Variants in FER observed in about 807,000 individuals in gnomAD.
FER encodes FER tyrosine kinase, also known as tyrosine-protein kinase Fer.
FER carries 63 observed loss-of-function variants against 111.0 expected under a neutral mutation model. That is an observed-to-expected ratio of 0.57 (90% CI 0.46 to 0.70). FER has a LOEUF of 0.70. Ranked by LOEUF, FER falls within the 30% of genes least tolerant of loss-of-function variation. The pLI is 0.00. For missense variants in FER, 914 were observed against 954.0 expected, an observed-to-expected ratio of 0.96 and a Z score of 0.55; for synonymous variants, 327 against 313.9, an observed-to-expected ratio of 1.04 and a Z score of -0.44.
intron 17 of FER, among the ~76,000 whole-genome samples, chr5:109,123,142 C>T (rs1341290395): frequency 6.7e-6 from 1 of 148,370 alleles, no homozygotes; most frequent in Admixed American, 6.8e-5. Flanking sequence ...CTCTTATTTC[C>T]TTCCTTCCTG....
At chr5:108,787,403 T>C (rs191343687) in intron 2 of FER, among the ~76,000 whole-genome samples, 4 of 152,110 alleles carry the variant, frequency 2.6e-5, no homozygotes, top group African/African-American at 9.7e-5. Context: ...GTGGATGGCA[T>C]GTTAAAGGCA....
intron 17 of FER, among the ~76,000 whole-genome samples, chr5:109,146,248 T>TA (rs1754131196): frequency 1.5e-5 from 1 of 67,980 alleles, no homozygotes; most frequent in East Asian, 2.8e-4. Flanking sequence ...ATATATAATC[T>TA]ATCTAATATA....
At chr5:108,790,298 A>T (rs867044497) in intron 2 of FER, among the ~76,000 whole-genome samples, 1 of 148,502 alleles carries the variant, frequency 6.7e-6, no homozygotes, top group Admixed American at 6.7e-5. Flanking sequence ...TACATATGTG[A>T]TTTTTTTTCT....
At chr5:109,101,110 AATG>A (rs1444399173) in intron 17 of FER, among the ~76,000 whole-genome samples, 34 of 152,052 alleles carry the variant, frequency 2.2e-4, no homozygotes, top group South Asian at 8.3e-4. Context: ...ACCTGGTCTT[AATG>A]CTTTATACAT....
At chr5:109,182,226 C>T (rs1758361415) in intron 18 of FER, among the ~76,000 whole-genome samples, 1 of 152,146 alleles carries the variant, frequency 6.6e-6, no homozygotes, top group Non-Finnish European at 1.5e-5. Context: ...TTTTGAGGAA[C>T]CACCAAATGT....
At chr5:109,030,666 T>C (rs1202863314) in intron 13 of FER, among the ~76,000 whole-genome samples, 3 of 152,120 alleles carry the variant, frequency 2.0e-5, no homozygotes, top group Admixed American at 6.6e-5. Context: ...AGGAAGGGCA[T>C]CTTAGGCCTA....
chr5:109,108,799 C>A (rs1046267731), intron 17 of FER, among the ~76,000 whole-genome samples: 8 of 152,188 alleles, frequency 5.3e-5, no homozygotes, highest in African/African-American at 1.9e-4. Context: ...GTTTGACCTT[C>A]TGGCTTGCAA....
intron 17 of FER, among the ~76,000 whole-genome samples, chr5:109,104,841 C>G (rs932733661): frequency 2.0e-5 from 3 of 151,922 alleles, no homozygotes; most frequent in African/African-American, 7.3e-5. Flanking sequence ...CTCCCAGGTT[C>G]ACGCCATTCT....
chr5:108,936,851 T>C (rs779833222), intron 10 of FER, among the ~76,000 whole-genome samples: 9 of 152,008 alleles, frequency 5.9e-5, no homozygotes, highest in Non-Finnish European at 1.3e-4. Flanking sequence ...ATCAATCTTT[T>C]TGAAAAATGC....
At chr5:108,847,953 T>A (rs1003128220) in intron 5 of FER, among the ~76,000 whole-genome samples, 5 of 152,146 alleles carry the variant, frequency 3.3e-5, no homozygotes, top group Admixed American at 6.5e-5. Flanking sequence ...GGTGGTGCGA[T>A]CATAGCTCGC....
In FER at chr5:109,079,184, T is replaced by A. The variant is rs1776707475; in HGVS notation, c.1925-21212T>A. 3.3e-5 allele frequency among the ~76,000 whole-genome samples: 5 copies of A among 152,116 alleles called. No homozygotes were observed. The South Asian group carries it at 1.0e-3, about 32-fold the overall frequency. ...ACCAGACCTATTTTATCTTATTAGT[T>A]GAAAAGAAAAACCCTGTTAAAATCA... is the stretch of plus-strand genomic sequence containing the variant. On this transcript the variant is annotated intron_variant, in intron 16 of 19. Coordinates refer to ENST00000281092, the MANE Select transcript of FER (RefSeq NM_005246.4).
chr5:109,074,340 A>G (rs1776085247), intron 16 of FER, among the ~76,000 whole-genome samples: 1 of 152,208 alleles, frequency 6.6e-6, no homozygotes, highest in South Asian at 2.1e-4. Flanking sequence ...TCACAGCCCT[A>G]TAGTGAAACC....
chr5:109,067,227 T>TTTGTTGTTGTTGTTGTTG (rs111663056), intron 16 of FER, among the ~76,000 whole-genome samples: 21 of 150,114 alleles, frequency 1.4e-4, no homozygotes, highest in African/African-American at 4.2e-4. Flanking sequence ...GAGTGACTGG[T>TTTGTTGTTGTTGTTGTTG]TTGTTGTTGT....
chr5:109,158,370 T>C (rs930623592), intron 17 of FER, among the ~76,000 whole-genome samples: 3 of 151,966 alleles, frequency 2.0e-5, no homozygotes, highest in African/African-American at 7.3e-5. Context: ...AACACTTCAC[T>C]CCAGCCTGGG....
intron 11 of FER, among the ~76,000 whole-genome samples, chr5:108,951,104 A>G (rs973391560): frequency 1.3e-4 from 19 of 151,958 alleles, no homozygotes; most frequent in African/African-American, 4.6e-4. Context: ...CCCTGTCTCC[A>G]CTAAAAGTAC....
intron 13 of FER, among the ~76,000 whole-genome samples, chr5:108,984,582 T>G (rs1411276833): frequency 6.6e-6 from 1 of 152,086 alleles, no homozygotes; most frequent in African/African-American, 2.4e-5. Flanking sequence ...TTTTACATTC[T>G]GTATTATTCA....
intron 13 of FER, among the ~76,000 whole-genome samples, chr5:109,010,358 C>T (rs993082890): frequency 6.6e-6 from 1 of 151,998 alleles, no homozygotes; most frequent in Admixed American, 6.6e-5. Flanking sequence ...GGGGTTTGAC[C>T]GTGTTAGCCA....
intron 5 of FER, among the ~76,000 whole-genome samples, chr5:108,839,572 C>CTTTTTTTTTTTTTTTTTT: frequency 1.1e-5 from 1 of 94,734 alleles, no homozygotes; most frequent in Non-Finnish European, 2.0e-5. Context: ...ATGCCATTTT[C>CTTTTTTTTTTTTTTTTTT]TTTTTTTTTT....
intron 13 of FER, among the ~76,000 whole-genome samples, chr5:108,982,122 A>G (rs1410099101): frequency 2.0e-5 from 3 of 152,016 alleles, no homozygotes; most frequent in Non-Finnish European, 2.9e-5. Flanking sequence ...TTCTGACTCC[A>G]CCCCACACCT....
Sources: gnomAD v4.1 joint callset for allele counts (sites outside exome capture counted in the v4.1 genomes callset) on GRCh38, gnomAD v4.1.1 for gene constraint, MANE v1.5 for transcripts, NCBI Gene and HGNC (gene_info 2026-07-23, HGNC 2026-07-21) for gene names.